The following GNE variants were observed in gnomAD, a reference collection of about 807,000 sequenced individuals.
GNE encodes the protein glucosamine (UDP-N-acetyl)-2-epimerase/N-acetylmannosamine kinase.
GNE carries 41 observed loss-of-function variants against 61.8 expected under a neutral mutation model. The observed-to-expected ratio is 0.66, with a 90% CI of 0.52 to 0.86. The LOEUF (loss-of-function observed/expected upper bound fraction) is 0.86, where lower values mean the gene tolerates loss of function less well. GNE is among the 40% of genes least tolerant of loss of function. The pLI is 0.00. For missense variants in GNE, 608 were observed against 909.1 expected (o/e 0.67, Z 4.26); for synonymous variants, 264 against 326.4 (o/e 0.81, Z 2.06).
intron 10 of GNE, among the ~76,000 whole-genome samples, chr9:36,219,167 C>T (rs2133002047): frequency 6.6e-6 from 1 of 152,266 alleles, no homozygotes; most frequent in Middle Eastern, 3.4e-3. Flanking sequence ...CTTCTACCCC[C>T]ACTGCCAACA....
rs1172700450 is a variant in GNE, at chr9:36,219,871, C to T, written c.1783G>A (p.Ala595Thr). 6.2e-7 allele frequency: 1 copy of T among 1,614,192 alleles called. No homozygotes were observed. The highest frequency in any genetic ancestry group is 1.7e-5 in the Admixed American group (1 of 60,028). Residue 595 changes from alanine (A) to threonine (T), a missense_variant, in exon 10 of 12, where the codon GCC becomes ACC. Coordinates refer to ENST00000642385, the MANE Select transcript of GNE (RefSeq NM_005476.7). ...AGCTTTTTTGCCTCCCTCTGCAAGG[C>T]CATTCCAGAGGCGTATGCTTCAATG... is the stretch of plus-strand genomic sequence containing the variant. ...GCIEAYASGMALQREAKKLHD... is the reference protein window; with the variant it reads ...GCIEAYASGMTLQREAKKLHD...
intron 1 of GNE, among the ~76,000 whole-genome samples, chr9:36,266,888 G>T (rs1224568150): frequency 6.6e-6 from 1 of 150,574 alleles, no homozygotes; most frequent in Non-Finnish European, 1.5e-5. Flanking sequence ...GACAAAGTAA[G>T]ACTCCGTCTC....
intron 8 of GNE, 126 bp downstream of exon 8, chr9:36,223,247 C>T (rs1292509695): frequency 6.4e-6 from 6 of 943,830 alleles, no homozygotes; most frequent in Non-Finnish European, 1.0e-5. Flanking sequence ...TTGGGGCCCA[C>T]AGACAGCACC....
rs139511688 is a variant in GNE at position 36,228,900 on chromosome 9, G to A, written c.1070+121C>T. The A allele has an allele frequency of 1.1e-4, 86 of 769,496 alleles. No homozygotes were observed. The African/African-American group carries it at 1.2e-3, about 11-fold the overall frequency. The allele number at this position is 769,496 out of a possible 1,614,324, so 47.7% of individuals were successfully genotyped here. On this transcript the variant is annotated intron_variant, in intron 6 of 11. Coordinates refer to ENST00000642385, the MANE Select transcript of GNE (RefSeq NM_005476.7). ...CAATCCCTGTCTCCCCAGCAACTAG[G>A]GGCCCGTAGGCATAAGAAGGAAAGC...
At chr9:36,233,260 T>C (rs571944423) in intron 5 of GNE, among the ~76,000 whole-genome samples, 5 of 152,362 alleles carry the variant, frequency 3.3e-5, no homozygotes, top group African/African-American at 1.2e-4. Flanking sequence ...TACTCTAAAG[T>C]ACTGACTGAA....
chr9:36,263,653 A>G lies in GNE; in HGVS notation c.51+13241T>C, dbSNP rs1432735054. On this transcript the variant is annotated intron_variant, in intron 1 of 11. Transcript: ENST00000396594. ...ATGTATTAGTTTAGTGAGGCTTTCA[A>G]AAAAGAAAAGGACATTATTTGGCAC... is the stretch of plus-strand genomic sequence containing the variant. 4.6e-5 allele frequency among the ~76,000 whole-genome samples: 7 copies of G among 152,240 alleles called. No homozygotes were observed. In the South Asian group the frequency reaches 1.2e-3, roughly 27 times the overall value.
At chr9:36,225,553 T>A (rs1828821564) in intron 7 of GNE, among the ~76,000 whole-genome samples, 1 of 152,116 alleles carries the variant, frequency 6.6e-6, no homozygotes, top group South Asian at 2.1e-4. Context: ...AAAAATCACT[T>A]GAGCCCGGGA....
intron 4 of GNE, 77 bp downstream of exon 4, chr9:36,236,751 TAGGA>T: frequency 8.4e-7 from 1 of 1,196,756 alleles, no homozygotes; most frequent in South Asian, 1.2e-5. Context: ...ATGAGCAAGA[TAGGA>T]AGGCAGTTAA....
chr9:36,232,601 T>C (rs1443009760), intron 5 of GNE, among the ~76,000 whole-genome samples: 1 of 152,178 alleles, frequency 6.6e-6, no homozygotes, highest in East Asian at 1.9e-4. Context: ...CCACTGCCTC[T>C]CCCTGATCCT....
In GNE at chr9:36,272,148, G is replaced by A. The variant is rs998631940; in HGVS notation, c.51+4746C>T. Among the ~76,000 whole-genome samples the A allele has an allele frequency of 9.2e-5, 14 of 152,154 alleles. No homozygotes were observed. In the South Asian group the frequency reaches 1.2e-3, roughly 14 times the overall value. On this transcript the variant is annotated intron_variant, in intron 1 of 11. Transcript: ENST00000396594. ...TTAAAAACAAGGTGGGAAATTTGGC[G>A]GTCTTATGAGATAGATGTGTGGAGG...
chr9:36,266,277 A>G (rs1198856032), intron 1 of GNE, among the ~76,000 whole-genome samples: 1 of 152,202 alleles, frequency 6.6e-6, no homozygotes, highest in Non-Finnish European at 1.5e-5. Context: ...GTACCAGTCC[A>G]TGGCCCAGGG....
At chr9:36,244,153 A>G (rs776281021) in intron 3 of GNE, among the ~76,000 whole-genome samples, 4 of 151,940 alleles carry the variant, frequency 2.6e-5, no homozygotes, top group Non-Finnish European at 2.9e-5. Flanking sequence ...TTGTAGAGAC[A>G]GCGTCTTGCT....
chr9:36,231,014 G>A (rs1190389818), intron 5 of GNE, among the ~76,000 whole-genome samples: 1 of 142,088 alleles, frequency 7.0e-6, no homozygotes, highest in East Asian at 2.1e-4. Flanking sequence ...TCTGGCTGGT[G>A]TTTACAACTA....
At chr9:36,241,488 C>T (rs562096637) in intron 3 of GNE, among the ~76,000 whole-genome samples, 4 of 152,216 alleles carry the variant, frequency 2.6e-5, no homozygotes, top group African/African-American at 4.8e-5. Flanking sequence ...AAAAGTAAAA[C>T]GCAAGACAAT....
intron 8 of GNE, 142 bp downstream of exon 8, chr9:36,223,231 C>T: frequency 1.1e-6 from 1 of 870,478 alleles, no homozygotes; most frequent in Non-Finnish European, 1.9e-6. Flanking sequence ...CAGGAAGTCC[C>T]CATGCTTGGG....
upstream of GNE, among the ~76,000 whole-genome samples, chr9:36,259,147 G>A (rs1425046733): frequency 2.0e-5 from 3 of 152,178 alleles, no homozygotes. Flanking sequence ...CGAGCTCCTG[G>A]CCTCAAGCCA....
intron 3 of GNE, among the ~76,000 whole-genome samples, chr9:36,242,805 T>A (rs1305472007): frequency 1.5e-5 from 2 of 136,740 alleles, no homozygotes; most frequent in Non-Finnish European, 3.0e-5. Context: ...AGTGCAGTGG[T>A]GCAATCTCGG....
chr9:36,269,129 C>CA (rs397776335), intron 1 of GNE, among the ~76,000 whole-genome samples: 21,640 of 83,586 alleles, frequency 0.26, 2,027 homozygotes, highest in Non-Finnish European at 0.3. Flanking sequence ...GACTCCGTCT[C>CA]AAAAAAAAAA....
chr9:36,257,131 G>A (rs971624999), intron 1 of GNE, among the ~76,000 whole-genome samples: 5 of 152,124 alleles, frequency 3.3e-5, no homozygotes, highest in Non-Finnish European at 7.3e-5. Context: ...TTGAACCCAA[G>A]TTCATCATTG....
Sources: allele counts gnomAD v4.1 joint callset (sites outside exome capture counted in the v4.1 genomes callset), GRCh38; gene constraint gnomAD v4.1.1; transcripts MANE v1.5; gene names NCBI Gene and HGNC (gene_info 2026-07-23, HGNC 2026-07-21).